Variants in FAM53A observed in about 807,000 individuals in gnomAD.
The protein encoded by FAM53A is protein FAM53A.
A neutral mutation model predicts 26.6 loss-of-function variants in FAM53A; 28 were observed. That is an observed-to-expected ratio of 1.05 (90% CI 0.78 to 1.45). FAM53A has a LOEUF of 1.45. FAM53A is among the 40% of genes most tolerant of loss of function. FAM53A has a pLI of 0.00. For missense variants in FAM53A, 650 were observed against 575.8 expected (o/e 1.13, Z -1.32); for synonymous variants, 290 against 253.1 (o/e 1.15, Z -1.38).
chr4:1,595,196 A>G, the FAM53A span, among the ~76,000 whole-genome samples: 2 of 152,198 alleles, frequency 1.3e-5, no homozygotes, highest in Admixed American at 1.3e-4. Flanking sequence ...CTCTGCCCAC[A>G]GGGACCCCCG....
intron 1 of FAM53A, among the ~76,000 whole-genome samples, chr4:1,631,560 G>C (rs948236652): frequency 6.6e-6 from 1 of 152,168 alleles, no homozygotes; most frequent in Non-Finnish European, 1.5e-5. Flanking sequence ...AGCTGAAGGC[G>C]CCCAACCACA....
At chr4:1,597,212 C>A in the FAM53A span, among the ~76,000 whole-genome samples, 1 of 107,778 alleles carries the variant, frequency 9.3e-6, no homozygotes, top group Non-Finnish European at 2.0e-5. Context: ...TCGGCAGGGC[C>A]CTCAGCCGCC....
At chr4:1,676,443 CT>C (rs762663258) in intron 1 of FAM53A, among the ~76,000 whole-genome samples, 6 of 152,196 alleles carry the variant, frequency 3.9e-5, no homozygotes, top group Non-Finnish European at 7.3e-5. Context: ...TTCTGAAGTA[CT>C]GGGGGGGGTC....
chr4:1,664,697 G>T (rs1714099041), intron 2 of FAM53A, among the ~76,000 whole-genome samples: 1 of 152,190 alleles, frequency 6.6e-6, no homozygotes, highest in African/African-American at 2.4e-5. Context: ...AAAAATCCTG[G>T]CCAGGCACGG....
downstream of FAM53A, among the ~76,000 whole-genome samples, chr4:1,614,410 GA>G (rs1714734095): frequency 7.3e-6 from 1 of 136,864 alleles, no homozygotes; most frequent in Admixed American, 7.1e-5. Context: ...GCAGAGACGT[GA>G]GGGGGATGCA....
chr4:1,593,161 G>C, the FAM53A span, among the ~76,000 whole-genome samples: 2 of 152,192 alleles, frequency 1.3e-5, no homozygotes, highest in African/African-American at 4.8e-5. Context: ...GTCCTGGGTC[G>C]GGGGCCGGGG....
intron 2 of FAM53A, among the ~76,000 whole-genome samples, chr4:1,665,703 G>C (rs1332687560): frequency 6.6e-6 from 1 of 152,110 alleles, no homozygotes; most frequent in Non-Finnish European, 1.5e-5. Context: ...GGCTGTGATG[G>C]AACCCCCGTG....
At chr4:1,602,106 C>G in the FAM53A span, among the ~76,000 whole-genome samples, 1 of 152,120 alleles carries the variant, frequency 6.6e-6, no homozygotes, top group Non-Finnish European at 1.5e-5. Flanking sequence ...CATGGTGGTG[C>G]CGGCGGCTAC....
rs558818223 is a variant in FAM53A at position 1,679,771 on chromosome 4, G to A, written c.-165+4462C>T. On this transcript the variant is annotated intron_variant, in intron 1 of 4. Transcript: ENST00000308132. ...CACAGACCCCTCACCAACTGGGGCC[G>A]GGTGTGGTGGCTCACGCCTATAATC... is the stretch of plus-strand genomic sequence containing the variant. 4.0e-5 allele frequency among the ~76,000 whole-genome samples: 6 copies of A among 151,360 alleles called. No individual in the cohort carries two copies. In the South Asian group the frequency reaches 1.0e-3, roughly 26 times the overall value.
chr4:1,629,524 G>A (rs951093118), intron 1 of FAM53A, among the ~76,000 whole-genome samples: 1 of 152,212 alleles, frequency 6.6e-6, no homozygotes, highest in Non-Finnish European at 1.5e-5. Context: ...CCTTGGCCTG[G>A]GGTTGGGCCT....
the FAM53A span, among the ~76,000 whole-genome samples, chr4:1,593,308 T>C: frequency 2.0e-5 from 3 of 152,048 alleles, no homozygotes; most frequent in South Asian, 6.2e-4. Flanking sequence ...GCGCGGCAGG[T>C]GCGCTCAGCC....
chr4:1,668,805 C>T lies in FAM53A; in HGVS notation c.-64G>A. ...CTGGAGTCCTGGAACATCAGACTTG[C>T]GAAGGCCCCAGCATTGCTGGGTCAG... is the stretch of plus-strand genomic sequence containing the variant. On this transcript the variant is annotated 5_prime_UTR_variant, in exon 2 of 5. Coordinates refer to ENST00000308132, the MANE Select transcript of FAM53A (RefSeq NM_001174070.3). 4 of 1,530,314 alleles carry T rather than the reference C, an allele frequency of 2.6e-6. No homozygotes were observed. The highest frequency in any genetic ancestry group is 1.7e-5 in the Admixed American group (1 of 58,788). 94.8% of individuals were successfully genotyped at this position (1,530,314 alleles called of 1,614,324 possible).
At chr4:1,580,643 AG>A in the FAM53A span, among the ~76,000 whole-genome samples, 2 of 95,058 alleles carry the variant, frequency 2.1e-5, no homozygotes, top group Non-Finnish European at 2.2e-5. Flanking sequence ...CCCCCAACTC[AG>A]GGCCCCGCCT....
chr4:1,673,715 C>T (rs1009442020), intron 1 of FAM53A, among the ~76,000 whole-genome samples: 7 of 152,098 alleles, frequency 4.6e-5, no homozygotes, highest in East Asian at 3.9e-4. Context: ...GTGTGGTGAC[C>T]GAGCGAGACT....
downstream of FAM53A, chr4:1,617,870 G>A (rs1249510952): frequency 2.7e-6 from 1 of 370,082 alleles, no homozygotes; most frequent in African/African-American, 2.1e-5. Context: ...CCCCTTGAAG[G>A]GAGCGCCTGC....
At chr4:1,598,012 C>T in the FAM53A span, among the ~76,000 whole-genome samples, 317 of 152,356 alleles carry the variant, frequency 2.1e-3, no homozygotes, top group Non-Finnish European at 3.6e-3. Context: ...AGGACCTTGG[C>T]GGAATGACCT....
intron 1 of FAM53A, among the ~76,000 whole-genome samples, chr4:1,624,348 C>T (rs1715186356): frequency 6.6e-6 from 1 of 152,148 alleles, no homozygotes; most frequent in African/African-American, 2.4e-5. Context: ...CACAGGTATC[C>T]CTGCTTCATA....
intron 1 of FAM53A, among the ~76,000 whole-genome samples, chr4:1,681,822 A>G (rs1030011608): frequency 1.3e-5 from 2 of 152,134 alleles, no homozygotes; most frequent in East Asian, 3.9e-4. Flanking sequence ...AAATCGTAAA[A>G]TGAAGATTAT....
In FAM53A at chr4:1,640,814, C is replaced by A. The variant is rs1711617155; in HGVS notation, c.*479G>T. On this transcript the variant is annotated 3_prime_UTR_variant, in exon 5 of 5. Coordinates refer to ENST00000308132, the MANE Select transcript of FAM53A (RefSeq NM_001174070.3). ...AGCTCACAGGAAACCTACTCTGTGC[C>A]CCGGGGCAGGTGCAGGCGGCAGCCA... The A allele has an allele frequency of 2.4e-6, 1 of 411,470 alleles. No homozygotes were observed. Among genetic ancestry groups the A allele is most frequent in the Non-Finnish European group, 4.7e-6 (1 of 212,634 alleles). 25.5% of individuals were successfully genotyped at this position (411,470 alleles called of 1,614,324 possible).
Sources: gnomAD v4.1 joint callset for allele counts (sites outside exome capture counted in the v4.1 genomes callset) on GRCh38, gnomAD v4.1.1 for gene constraint, MANE v1.5 for transcripts, NCBI Gene and HGNC (gene_info 2026-07-23, HGNC 2026-07-21) for gene names.